The following SYNE1 variants were observed in gnomAD, a reference collection of about 807,000 sequenced individuals.
SYNE1 encodes nesprin-1.
In SYNE1, 616 loss-of-function variants were observed where a neutral mutation model predicts 1,111.0. The observed-to-expected ratio is 0.55, with a 90% confidence interval of 0.52 to 0.59. The LOEUF is 0.59. SYNE1 is among the 20% of genes least tolerant of loss of function. The pLI is 0.00. For missense variants in SYNE1, 10,006 were observed against 10,417.0 expected (o/e 0.96, Z 1.72); for synonymous variants, 3,855 against 3,825.8 (o/e 1.01, Z -0.28).
intron 101 of SYNE1, 75 bp from the exon 102 acceptor site, chr6:152,256,840 T>C: frequency 6.3e-7 from 1 of 1,585,894 alleles, no homozygotes; most frequent in Non-Finnish European, 8.6e-7. Context: ...AAATGCATAC[T>C]GAAATAGATG....
chr6:152,319,086 A>G, intron 84 of SYNE1, 71 bp from the exon 85 acceptor site: 1 of 1,586,960 alleles, frequency 6.3e-7, no homozygotes, highest in Non-Finnish European at 8.6e-7. Context: ...AAAATCTCAA[A>G]TGATGTTGAC....
chr6:152,413,247 A>T, intron 42 of SYNE1, 105 bp downstream of exon 42: 1 of 1,206,668 alleles, frequency 8.3e-7, no homozygotes, highest in East Asian at 2.3e-5. Context: ...CTAAAATGGT[A>T]AAAGATATTT....
At position 152,225,825 on chromosome 6, in the gene SYNE1, G is replaced by T; in HGVS notation, c.21247C>A (p.Gln7083Lys). Residue 7083 changes from glutamine to lysine, a missense_variant, in exon 116 of 146, where the codon CAG (glutamine) becomes AAG (lysine). By Grantham distance (53) the Gln-to-Lys change is moderately conservative (BLOSUM62 1). Transcript: ENST00000367255. ...AKEKEVEKIEQNGLALIQNKK... is the reference protein window; with the variant it reads ...AKEKEVEKIEKNGLALIQNKK... Reference sequence around the variant, plus strand: ...TTCTGAATCAAAGCAAGTCCATTCTGCTCAATTTTCTCTACTTCTTTTTCT... The same window carrying T: ...TTCTGAATCAAAGCAAGTCCATTCTTCTCAATTTTCTCTACTTCTTTTTCT... 6.2e-7 allele frequency: 1 copy of T among 1,613,872 alleles called. No individual in the cohort carries two copies. The highest frequency in any genetic ancestry group is 1.1e-5 in the South Asian group (1 of 91,070).
chr6:152,308,884 C>T (rs775571461), intron 90 of SYNE1, among the ~76,000 whole-genome samples: 1 of 152,094 alleles, frequency 6.6e-6, no homozygotes, highest in Non-Finnish European at 1.5e-5. Flanking sequence ...CTCTCTTTTC[C>T]CTACTGATAT....
intron 3 of SYNE1, among the ~76,000 whole-genome samples, chr6:152,576,952 T>C (rs1040250718): frequency 2.6e-5 from 4 of 152,220 alleles, no homozygotes; most frequent in Admixed American, 6.5e-5. Context: ...TTTAGTAATT[T>C]AAAAATAACT....
At chr6:152,437,945 C>T (rs2098489453) in intron 32 of SYNE1, among the ~76,000 whole-genome samples, 1 of 152,090 alleles carries the variant, frequency 6.6e-6, no homozygotes, top group African/African-American at 2.4e-5. Flanking sequence ...GTTCGGCCAA[C>T]AAATATCAGT....
At chr6:152,446,061 T>A (rs1036165520) in intron 29 of SYNE1, among the ~76,000 whole-genome samples, 1 of 151,952 alleles carries the variant, frequency 6.6e-6, no homozygotes, top group African/African-American at 2.4e-5. Context: ...CAAATGGCCT[T>A]GGTAAATGTT....
At chr6:152,245,202 G>C (rs185585578) in intron 105 of SYNE1, among the ~76,000 whole-genome samples, 68 of 152,348 alleles carry the variant, frequency 4.5e-4, no homozygotes, top group African/African-American at 1.4e-3. Flanking sequence ...TGTCTTCCCA[G>C]TGTGAGGTCT....
rs138291402 is a variant in SYNE1 at position 152,568,252 on chromosome 6, G to A, written c.68-28231C>T. On this transcript the variant is annotated intron_variant, in intron 3 of 145. Coordinates refer to ENST00000367255, the MANE Select transcript of SYNE1 (RefSeq NM_182961.4). ...CAAAGAGTATAGTGGGAAAATATGT[G>A]CTAAAAATATGAGTTAAATTTTTAT... 1.0e-2 allele frequency among the ~76,000 whole-genome samples: 1,464 copies of A among 146,970 alleles called. 18 individuals are homozygous for A. The highest frequency in any genetic ancestry group is 0.018 in the Middle Eastern group (5 of 274).
At chr6:152,128,833 C>G (rs938787686) in intron 145 of SYNE1, 1 of 152,178 alleles carries the variant, frequency 6.6e-6, no homozygotes, top group South Asian at 2.1e-4. Context: ...TTCATTCTTC[C>G]CCAGCAGACT....
intron 104 of SYNE1, among the ~76,000 whole-genome samples, chr6:152,252,913 C>G (rs1364097553): frequency 1.3e-5 from 2 of 152,166 alleles, no homozygotes; most frequent in Non-Finnish European, 2.9e-5. Flanking sequence ...TTTACTGTGA[C>G]TGGTGATAAT....
rs530130891 is a variant in SYNE1, at chr6:152,552,832, C to G, written c.68-12811G>C. Among the ~76,000 whole-genome samples, 13 of 152,040 alleles carry G rather than the reference C, an allele frequency of 8.6e-5. No homozygotes were observed. In the South Asian group the frequency reaches 2.7e-3, roughly 32 times the overall value. On this transcript the variant is annotated intron_variant, in intron 3 of 145. Coordinates refer to ENST00000367255, the MANE Select transcript of SYNE1 (RefSeq NM_182961.4). ...TCAGATCTAGCGTGGCGTTAGTGAC[C>G]CTCCTCATAATAGAAGATCTACTGG...
chr6:152,413,273 C>T, intron 42 of SYNE1, 79 bp downstream of exon 42: 1 of 1,442,172 alleles, frequency 6.9e-7, no homozygotes, highest in Non-Finnish European at 9.8e-7. Context: ...CTGATCACAT[C>T]AACACAAAAC....
At chr6:152,510,889 A>G in intron 7 of SYNE1, 122 bp downstream of exon 7, 1 of 905,854 alleles carries the variant, frequency 1.1e-6, no homozygotes. Context: ...TGTGAAAGGT[A>G]CATTTCTGCT....
intron 44 of SYNE1, 151 bp from the exon 45 acceptor site, chr6:152,407,347 A>G (rs1001800535): frequency 1.4e-6 from 1 of 738,514 alleles, no homozygotes; most frequent in South Asian, 1.6e-5. Flanking sequence ...AAGTGCACCC[A>G]ACTCACGTAA....
At chr6:152,175,667 C>T (rs1013099964) in intron 130 of SYNE1, among the ~76,000 whole-genome samples, 1 of 152,264 alleles carries the variant, frequency 6.6e-6, no homozygotes, top group East Asian at 1.9e-4. Context: ...GCCTAAGTTC[C>T]AACATGAAGC....
At chr6:152,306,674 G>A (rs560619293) in intron 91 of SYNE1, among the ~76,000 whole-genome samples, 2 of 150,312 alleles carry the variant, frequency 1.3e-5, no homozygotes, top group African/African-American at 4.9e-5. Context: ...CCAGGAGTTT[G>A]AGACCAACCT....
At position 152,234,713 on chromosome 6, in the gene SYNE1, G is replaced by A; in HGVS notation, c.20484C>T (p.Val6828=). 6.2e-7 allele frequency: 1 copy of A among 1,614,202 alleles called. No individual in the cohort carries two copies. The highest frequency in any genetic ancestry group is 1.7e-5 in the Admixed American group (1 of 60,024). The change falls in exon 111 of 146, where the codon GTC becomes GTT. Residue 6828 remains valine (V), a synonymous_variant. Transcript: ENST00000367255. ...LEFWTQQSVT[V]PQELEMVRDH... ...CACGGACCATTTCCAGCTCTTGTGG[G>A]ACTGTCACAGATTGCTGAGTCCAAA...
chr6:152,518,167 T>C (rs577885464), intron 6 of SYNE1, among the ~76,000 whole-genome samples: 6 of 150,936 alleles, frequency 4.0e-5, no homozygotes, highest in African/African-American at 1.5e-4. Flanking sequence ...ACAAATCCTG[T>C]TCTCTAGTTT....
Sources: gnomAD v4.1 joint callset for allele counts (sites outside exome capture counted in the v4.1 genomes callset) on GRCh38, gnomAD v4.1.1 for gene constraint, MANE v1.5 for transcripts, NCBI Gene and HGNC (gene_info 2026-07-23, HGNC 2026-07-21) for gene names.